TMEM132C: variants seen among roughly 807,000 people sequenced by gnomAD.
TMEM132C encodes the protein transmembrane protein 132C.
Under a neutral mutation model 61.4 loss-of-function variants are expected in TMEM132C, and 29 were observed. That is an observed-to-expected ratio of 0.47 (90% CI 0.35 to 0.64). TMEM132C has a LOEUF of 0.64. Among genes scored for constraint, TMEM132C ranks in the 30% least tolerant of loss-of-function variants. The probability of loss-of-function intolerance (pLI) is 0.00; values close to 1 mark genes in which losing one functional copy is unlikely to be tolerated. For synonymous variants in TMEM132C, 656 were observed against 633.1 expected (o/e 1.04, Z -0.54); for missense variants, 1,408 against 1,476.9 (o/e 0.95, Z 0.76).
chr12:128,356,506 T>G (rs1306825146), intron 1 of TMEM132C, among the ~76,000 whole-genome samples: 1 of 152,198 alleles, frequency 6.6e-6, no homozygotes, highest in Non-Finnish European at 1.5e-5. Context: ...AATAAATGAC[T>G]CTCTGAGCAG....
In TMEM132C at chr12:128,696,122, CT is replaced by C; in HGVS notation, c.1929+20del. 6.5e-7 allele frequency: 1 copy of C among 1,548,288 alleles called. No individual in the cohort carries two copies. Among genetic ancestry groups the C allele is most frequent in the Non-Finnish European group, 8.7e-7 (1 of 1,145,342 alleles). ...CATCCAGGTAGGAAGCTGGGAGTCTCTGTGTCCCCAGCACTGGGCATGTGTG... is the reference window on the plus strand; with the variant it reads ...CATCCAGGTAGGAAGCTGGGAGTCTCGTGTCCCCAGCACTGGGCATGTGTG... On this transcript the variant is annotated intron_variant, in intron 7 of 8. Coordinates refer to ENST00000435159, the MANE Select transcript of TMEM132C (RefSeq NM_001136103.3).
At chr12:128,705,007 T>A in intron 8 of TMEM132C, 83 bp from the exon 9 acceptor site, 1 of 1,420,056 alleles carries the variant, frequency 7.0e-7, no homozygotes, top group Non-Finnish European at 9.3e-7. Context: ...TGCTCCCTGT[T>A]TCATTGGGCG....
chr12:128,303,973 G>A (rs182339082), intron 1 of TMEM132C, among the ~76,000 whole-genome samples: 292 of 152,132 alleles, frequency 1.9e-3, no homozygotes, highest in African/African-American at 6.6e-3. Context: ...CTTGACCAAC[G>A]AGACCCAACT....
At chr12:128,327,223 A>G (rs1195922774) in intron 1 of TMEM132C, among the ~76,000 whole-genome samples, 1 of 150,184 alleles carries the variant, frequency 6.7e-6, no homozygotes, top group Non-Finnish European at 1.5e-5. Context: ...AAAATTAAAC[A>G]AGGAGTTGTC....
intron 2 of TMEM132C, among the ~76,000 whole-genome samples, chr12:128,537,745 T>C (rs1015731446): frequency 2.0e-5 from 3 of 152,180 alleles, no homozygotes; most frequent in Non-Finnish European, 4.4e-5. Context: ...ATACATAGGA[T>C]ATAATTTCAT....
chr12:128,516,525 C>T (rs913067428), intron 2 of TMEM132C, among the ~76,000 whole-genome samples: 4 of 151,806 alleles, frequency 2.6e-5, no homozygotes, highest in Admixed American at 6.6e-5. Context: ...TGGTTATGTT[C>T]GGTGCCGTGA....
intron 3 of TMEM132C, among the ~76,000 whole-genome samples, chr12:128,568,127 A>G (rs1031750152): frequency 1.3e-5 from 2 of 152,188 alleles, no homozygotes; most frequent in Non-Finnish European, 2.9e-5. Context: ...CCAGGAGTAC[A>G]TTTACTAAAC....
At chr12:128,356,690 C>T (rs12366285) in intron 1 of TMEM132C, among the ~76,000 whole-genome samples, 8 of 152,184 alleles carry the variant, frequency 5.3e-5, no homozygotes, top group South Asian at 2.1e-4. Flanking sequence ...CTGACCAACC[C>T]GTACTTCTAG....
intron 1 of TMEM132C, among the ~76,000 whole-genome samples, chr12:128,362,764 G>A (rs1201968313): frequency 1.3e-5 from 2 of 152,172 alleles, no homozygotes; most frequent in Non-Finnish European, 2.9e-5. Context: ...GGTTAGGAAT[G>A]CTAAACCCAT....
At chr12:128,621,516 G>A in intron 4 of TMEM132C, among the ~76,000 whole-genome samples, 1 of 152,216 alleles carries the variant, frequency 6.6e-6, no homozygotes, top group East Asian at 1.9e-4. Flanking sequence ...CTAGGAGAGA[G>A]GCAAGGACGG....
chr12:128,344,505 G>A (rs903853005), intron 1 of TMEM132C, among the ~76,000 whole-genome samples: 1 of 152,176 alleles, frequency 6.6e-6, no homozygotes, highest in Admixed American at 6.5e-5. Flanking sequence ...TGGAATTGCT[G>A]TGTCGTGAGG....
At chr12:128,578,377 C>T (rs1269748587) in intron 3 of TMEM132C, among the ~76,000 whole-genome samples, 1 of 152,240 alleles carries the variant, frequency 6.6e-6, no homozygotes, top group African/African-American at 2.4e-5. Flanking sequence ...CCCTCCCTCA[C>T]CTCCGTCTGA....
intron 3 of TMEM132C, among the ~76,000 whole-genome samples, chr12:128,576,274 G>A (rs1407136247): frequency 6.6e-6 from 1 of 151,944 alleles, no homozygotes; most frequent in Non-Finnish European, 1.5e-5. Context: ...GGAGGGGAGG[G>A]GAGGGGAGGG....
chr12:128,400,373 T>G (rs1031544485), intron 1 of TMEM132C, among the ~76,000 whole-genome samples: 1 of 152,180 alleles, frequency 6.6e-6, no homozygotes, highest in African/African-American at 2.4e-5. Flanking sequence ...AGGCGTTTGC[T>G]TAAGAGTGAG....
At chr12:128,420,475 C>T (rs1330865789) in intron 2 of TMEM132C, among the ~76,000 whole-genome samples, 3 of 152,086 alleles carry the variant, frequency 2.0e-5, no homozygotes, top group Non-Finnish European at 2.9e-5. Context: ...TAGGGGGAGG[C>T]GAGCTCAGAG....
At chr12:128,544,165 G>A (rs1873864863) in intron 3 of TMEM132C, 62 bp downstream of exon 3, 1 of 1,449,064 alleles carries the variant, frequency 6.9e-7, no homozygotes, top group Non-Finnish European at 9.1e-7. Flanking sequence ...GCCGGCTGGT[G>A]CGTAAGAGCC....
intron 3 of TMEM132C, among the ~76,000 whole-genome samples, chr12:128,593,973 G>A (rs770235408): frequency 1.3e-5 from 2 of 152,100 alleles, no homozygotes; most frequent in Non-Finnish European, 2.9e-5. Context: ...CTGAGTTAGA[G>A]AGCAATGGGG....
intron 1 of TMEM132C, among the ~76,000 whole-genome samples, chr12:128,292,946 GTA>G (rs1383051575): frequency 2.9e-5 from 4 of 138,152 alleles, no homozygotes; most frequent in Admixed American, 2.3e-4. Context: ...GTTGGTGTAG[GTA>G]TGTGTATGTG....
intron 2 of TMEM132C, among the ~76,000 whole-genome samples, chr12:128,502,983 T>C (rs1382593032): frequency 2.0e-5 from 3 of 152,234 alleles, no homozygotes; most frequent in African/African-American, 7.2e-5. Flanking sequence ...GCTGTGTCAA[T>C]CGGAGGCTGG....
Sources: gnomAD v4.1 joint callset for allele counts (sites outside exome capture counted in the v4.1 genomes callset) on GRCh38, gnomAD v4.1.1 for gene constraint, MANE v1.5 for transcripts, NCBI Gene and HGNC (gene_info 2026-07-23, HGNC 2026-07-21) for gene names.